Variants in USP34 observed in about 807,000 individuals in gnomAD.
USP34 encodes the protein ubiquitin specific peptidase 34.
In USP34, 70 loss-of-function variants were observed where a neutral mutation model predicts 460.3. The ratio of observed to expected loss-of-function variants is 0.15; its 90% confidence interval spans 0.13 to 0.19. The LOEUF (loss-of-function observed/expected upper bound fraction) is 0.19. USP34 is among the 10% of genes least tolerant of loss of function. The pLI, the probability that USP34 is intolerant of heterozygous loss-of-function variation, is 1.00. For synonymous variants in USP34, 1,647 were observed against 1,405.3 expected, an observed-to-expected ratio of 1.17 and a Z score of -3.85; for missense variants, 3,985 against 4,236.2, an observed-to-expected ratio of 0.94 and a Z score of 1.65.
At chr2:61,342,829 C>T (rs1209770120) in intron 16 of USP34, among the ~76,000 whole-genome samples, 2 of 152,008 alleles carry the variant, frequency 1.3e-5, no homozygotes, top group East Asian at 1.9e-4. Context: ...TCTAACTCCA[C>T]GCAGTAAAAA....
intron 5 of USP34, among the ~76,000 whole-genome samples, chr2:61,394,600 CCTAT>C (rs1693459565): frequency 6.6e-6 from 1 of 150,974 alleles, no homozygotes. Context: ...TATGCAGTCA[CCTAT>C]CTTAGATAAA....
chr2:61,377,153 GAGAATA>G (rs1477123722), intron 8 of USP34, among the ~76,000 whole-genome samples: 1 of 152,100 alleles, frequency 6.6e-6, no homozygotes, highest in Non-Finnish European at 1.5e-5. Context: ...GAACAACTGG[GAGAATA>G]AGAACTCTTT....
chr2:61,254,638 T>C (rs1688674461), intron 48 of USP34, among the ~76,000 whole-genome samples: 1 of 152,276 alleles, frequency 6.6e-6, no homozygotes, highest in Non-Finnish European at 1.5e-5. Context: ...TACTCTGTCC[T>C]AAACTTGCCA....
In USP34 at chr2:61,470,705, G is replaced by C; in HGVS notation, c.-13C>G. 1 of 1,534,146 alleles carries C rather than the reference G, an allele frequency of 6.5e-7. No individual in the cohort carries two copies. ...AGTTCTCGCACATCGTTCGGCCGCC[G>C]CCCCCCCCCTCCCCCGCTTCGGATC... On this transcript the variant is annotated 5_prime_UTR_variant, in exon 1 of 80. Coordinates refer to ENST00000398571, the MANE Select transcript of USP34 (RefSeq NM_014709.4).
At chr2:61,430,220 AAAAAAAAAAAGAAAAG>A (rs1694629077) in intron 1 of USP34, among the ~76,000 whole-genome samples, 1 of 137,084 alleles carries the variant, frequency 7.3e-6, no homozygotes, top group Non-Finnish European at 1.6e-5. Flanking sequence ...GTCACAAAAA[AAAAAAAAAAAGAAAAG>A]AAAAAAAAAA....
chr2:61,244,638 T>G (rs921231056), intron 51 of USP34, among the ~76,000 whole-genome samples: 8 of 148,612 alleles, frequency 5.4e-5, no homozygotes, highest in African/African-American at 2.0e-4. Context: ...AAAAAAAAAG[T>G]CTTTTCTCAA....
At chr2:61,451,617 G>C (rs1442333706) in intron 1 of USP34, among the ~76,000 whole-genome samples, 1 of 151,762 alleles carries the variant, frequency 6.6e-6, no homozygotes, top group Non-Finnish European at 1.5e-5. Context: ...GGGAGACGGA[G>C]GTTGTGGTGA....
intron 1 of USP34, among the ~76,000 whole-genome samples, chr2:61,432,406 G>C (rs1694704723): frequency 6.6e-6 from 1 of 152,184 alleles, no homozygotes; most frequent in East Asian, 1.9e-4. Context: ...AGCCCCAGGA[G>C]GTCAAGGCTG....
intron 3 of USP34, among the ~76,000 whole-genome samples, chr2:61,403,461 T>C (rs1693779408): frequency 6.6e-6 from 1 of 152,208 alleles, no homozygotes; most frequent in Non-Finnish European, 1.5e-5. Context: ...ATTAAAGCAC[T>C]ATGTAGATGG....
chr2:61,196,595 G>C (rs546747918), intron 75 of USP34, among the ~76,000 whole-genome samples: 2 of 151,296 alleles, frequency 1.3e-5, no homozygotes, highest in Admixed American at 6.6e-5. Flanking sequence ...CAGTGGCATC[G>C]TCTTGGCTCA....
chr2:61,470,284 G>C (rs1695910457), intron 1 of USP34, among the ~76,000 whole-genome samples: 1 of 152,184 alleles, frequency 6.6e-6, no homozygotes, highest in African/African-American at 2.4e-5. Flanking sequence ...GGAAAGCCTC[G>C]TCCTCCGACC....
chr2:61,363,031 C>A (rs1286800970), intron 10 of USP34, among the ~76,000 whole-genome samples: 1 of 151,998 alleles, frequency 6.6e-6, no homozygotes, highest in African/African-American at 2.4e-5. Flanking sequence ...AAAACCCAAT[C>A]AAAAATGGGC....
At chr2:61,437,967 A>C (rs1384553257) in intron 1 of USP34, among the ~76,000 whole-genome samples, 1 of 152,010 alleles carries the variant, frequency 6.6e-6, no homozygotes, top group Non-Finnish European at 1.5e-5. Context: ...ATTCCAAAAA[A>C]TTGAAGCAAA....
At chr2:61,263,173 A>ATTTTTT (rs36015748) in intron 43 of USP34, among the ~76,000 whole-genome samples, 3 of 97,764 alleles carry the variant, frequency 3.1e-5, no homozygotes, top group Admixed American at 1.2e-4. Context: ...CACACATGGA[A>ATTTTTT]TTTTTTTTTT....
chr2:61,228,660 T>C lies in USP34; in HGVS notation c.7428A>G (p.Thr2476=), dbSNP rs575921478. ...ISTMVHFYMG[T]KGPENPQVEV... Reference sequence around the variant, plus strand: ...CTGTACTTACATTTTCAGGTCCTTTTGTTCCCATGTAAAAATGTACCATTG... The same window carrying C: ...CTGTACTTACATTTTCAGGTCCTTTCGTTCCCATGTAAAAATGTACCATTG... The change falls in exon 61 of 80, where the codon ACA becomes ACG. Residue 2476 remains threonine (T), a synonymous_variant. Transcript: ENST00000398571. 1.9e-6 allele frequency: 3 copies of C among 1,611,804 alleles called. No individual in the cohort carries two copies. The highest frequency in any genetic ancestry group is 1.7e-6 in the Non-Finnish European group (2 of 1,179,094).
Position 61,278,369 on chromosome 2 carries a change from A to G in USP34, c.5312+19T>C, listed in dbSNP as rs1488163687. The G allele has an allele frequency of 2.5e-6, 4 of 1,607,720 alleles. No homozygotes were observed. The highest frequency in any genetic ancestry group is 1.3e-5 in the African/African-American group (1 of 74,610). Reference sequence around the variant, plus strand: ...TCTTTCCTCGACAATATAAATGTCAATTTCACATCAAATTTTACCTTCGAA... The same window carrying G: ...TCTTTCCTCGACAATATAAATGTCAGTTTCACATCAAATTTTACCTTCGAA... On this transcript the variant is annotated intron_variant, in intron 40 of 79. Transcript: ENST00000398571.
chr2:61,355,155 C>G (rs184151616), intron 10 of USP34, among the ~76,000 whole-genome samples: 4 of 152,210 alleles, frequency 2.6e-5, no homozygotes, highest in Non-Finnish European at 5.9e-5. Context: ...TTCAAAAGTT[C>G]TGGGGAATAA....
intron 1 of USP34, among the ~76,000 whole-genome samples, chr2:61,462,896 G>C (rs1261625665): frequency 6.7e-6 from 1 of 150,094 alleles, no homozygotes; most frequent in African/African-American, 2.5e-5. Flanking sequence ...AGGTGTGCTG[G>C]TATACACACC....
At chr2:61,262,088 C>CA (rs61651654) in intron 43 of USP34, among the ~76,000 whole-genome samples, 757 of 46,748 alleles carry the variant, frequency 0.016, 65 homozygotes, top group African/African-American at 0.019. Flanking sequence ...AAGACTTCGT[C>CA]AAAAAAAAAA....
Sources: gnomAD v4.1 joint callset for allele counts (sites outside exome capture counted in the v4.1 genomes callset) on GRCh38, gnomAD v4.1.1 for gene constraint, MANE v1.5 for transcripts, NCBI Gene and HGNC (gene_info 2026-07-23, HGNC 2026-07-21) for gene names.